The following TAFA1 variants were observed in gnomAD, a reference collection of about 807,000 sequenced individuals.
TAFA1 encodes TAFA chemokine like family member 1, also known as chemokine-like protein TAFA-1.
Under a neutral mutation model 18.5 loss-of-function variants are expected in TAFA1, and 4 were observed. The ratio of observed to expected loss-of-function variants is 0.22; its 90% CI spans 0.11 to 0.49. The LOEUF (loss-of-function observed/expected upper bound fraction) is 0.49. Ranked by LOEUF, TAFA1 falls within the 20% of genes least tolerant of loss-of-function variation. The pLI, the probability that TAFA1 is intolerant of heterozygous loss-of-function variation, is 0.98. For missense variants in TAFA1, 147 were observed against 169.0 expected, an observed-to-expected ratio of 0.87 and a Z score of 0.72; for synonymous variants, 56 against 55.2, an observed-to-expected ratio of 1.01 and a Z score of -0.06.
intron 2 of TAFA1, among the ~76,000 whole-genome samples, chr3:68,027,068 T>C (rs1168937349): frequency 6.6e-6 from 1 of 151,924 alleles, no homozygotes; most frequent in Non-Finnish European, 1.5e-5. Flanking sequence ...ATCATGACGA[T>C]GGTACCAAGC....
intron 2 of TAFA1, among the ~76,000 whole-genome samples, chr3:68,116,922 T>C (rs2106849024): frequency 6.6e-6 from 1 of 152,214 alleles, no homozygotes; most frequent in East Asian, 1.9e-4. Flanking sequence ...GAGTAGTTGG[T>C]GACAGAGACC....
At chr3:68,090,365 A>T (rs1024075962) in intron 2 of TAFA1, among the ~76,000 whole-genome samples, 2 of 152,182 alleles carry the variant, frequency 1.3e-5, no homozygotes, top group African/African-American at 2.4e-5. Context: ...TTGTAGTATA[A>T]TATCATGACC....
intron 2 of TAFA1, among the ~76,000 whole-genome samples, chr3:68,021,545 C>A (rs77619969): frequency 0.018 from 2,760 of 152,204 alleles, 102 homozygotes; most frequent in African/African-American, 0.064. Flanking sequence ...ACAATGGTAG[C>A]TAAATGTCCA....
At chr3:68,075,357 G>T (rs73834817) in intron 2 of TAFA1, among the ~76,000 whole-genome samples, 2,263 of 152,144 alleles carry the variant, frequency 0.015, 67 homozygotes, top group African/African-American at 0.052. Flanking sequence ...TTTTCTATAA[G>T]CTGATTCAGA....
chr3:68,022,164 G>C (rs1189491580), intron 2 of TAFA1, among the ~76,000 whole-genome samples: 4 of 152,102 alleles, frequency 2.6e-5, no homozygotes, highest in African/African-American at 7.2e-5. Context: ...ACTAAGGGTA[G>C]TTTATTATTA....
chr3:68,541,546 T>C (rs893481487), intron 4 of TAFA1, among the ~76,000 whole-genome samples: 1 of 152,082 alleles, frequency 6.6e-6, no homozygotes, highest in Non-Finnish European at 1.5e-5. Flanking sequence ...TTAATTATTA[T>C]GAGTCACATG....
At chr3:68,344,550 A>G (rs2069134824) in intron 2 of TAFA1, among the ~76,000 whole-genome samples, 1 of 152,220 alleles carries the variant, frequency 6.6e-6, no homozygotes, top group South Asian at 2.1e-4. Flanking sequence ...CATCATTAAC[A>G]TAGGAGTTCA....
chr3:68,467,289 G>C (rs1026010467), intron 3 of TAFA1, among the ~76,000 whole-genome samples: 2 of 152,174 alleles, frequency 1.3e-5, no homozygotes, highest in Non-Finnish European at 2.9e-5. Context: ...ATAGGATTAA[G>C]AGATTAAAGT....
intron 2 of TAFA1, among the ~76,000 whole-genome samples, chr3:68,032,573 A>G (rs563747285): frequency 6.6e-6 from 1 of 152,152 alleles, no homozygotes; most frequent in South Asian, 2.1e-4. Context: ...TCTCCTGTCC[A>G]TATCTCAGTC....
chr3:68,285,695 C>T (rs1279656406), intron 2 of TAFA1, among the ~76,000 whole-genome samples: 1 of 152,026 alleles, frequency 6.6e-6, no homozygotes, highest in Non-Finnish European at 1.5e-5. Flanking sequence ...CAATCACATG[C>T]AATTTATGTG....
chr3:68,080,929 C>T (rs2064890114), intron 2 of TAFA1, among the ~76,000 whole-genome samples: 1 of 152,136 alleles, frequency 6.6e-6, no homozygotes, highest in Non-Finnish European at 1.5e-5. Context: ...GTTCCATTCT[C>T]CCCATCACTT....
intron 3 of TAFA1, among the ~76,000 whole-genome samples, chr3:68,513,885 A>G (rs116421489): frequency 1.0e-3 from 152 of 152,256 alleles, no homozygotes; most frequent in African/African-American, 3.4e-3. Flanking sequence ...TCTGTTTAGG[A>G]ATTGTCTTAG....
intron 2 of TAFA1, among the ~76,000 whole-genome samples, chr3:68,287,361 T>G (rs1408412410): frequency 1.3e-5 from 2 of 152,240 alleles, no homozygotes; most frequent in African/African-American, 4.8e-5. Context: ...TTTGTTTTAA[T>G]GTCAGCTGTT....
At chr3:68,066,286 G>T (rs1279627766) in intron 2 of TAFA1, among the ~76,000 whole-genome samples, 1 of 152,104 alleles carries the variant, frequency 6.6e-6, no homozygotes, top group Non-Finnish European at 1.5e-5. Flanking sequence ...TGCCAACAAA[G>T]TATTAGTTCC....
chr3:68,180,029 T>TATTATTATTATC (rs2066177140), intron 2 of TAFA1, among the ~76,000 whole-genome samples: 1 of 147,602 alleles, frequency 6.8e-6, no homozygotes, highest in Admixed American at 6.8e-5. Context: ...TTATTATTAT[T>TATTATTATTATC]ATTATTATTA....
In TAFA1 at chr3:68,544,697, A is replaced by G. The variant is rs35147244; in HGVS notation, c.*194A>G. 21,132 of 541,934 alleles carry G rather than the reference A, an allele frequency of 0.039. 1,954 individuals are homozygous for G. The highest frequency in any genetic ancestry group is 0.3 in the East Asian group (9,280 of 31,254). The allele number at this position is 541,934 out of a possible 1,614,324, so 33.6% of individuals were successfully genotyped here. A position where few individuals can be genotyped will look rare whatever the true frequency, so the allele number is the denominator to read the frequency against. On this transcript the variant is annotated 3_prime_UTR_variant, in exon 5 of 5. Transcript: ENST00000478136. ...GAAGACACAGCGTTTTGGCAACACCATGGAAAGTGGGCTTAAAAAAGGGTT... is the reference window on the plus strand; with the variant it reads ...GAAGACACAGCGTTTTGGCAACACCGTGGAAAGTGGGCTTAAAAAAGGGTT...
intron 3 of TAFA1, among the ~76,000 whole-genome samples, chr3:68,424,976 T>C (rs1335682523): frequency 6.6e-6 from 1 of 151,990 alleles, no homozygotes; most frequent in Non-Finnish European, 1.5e-5. Flanking sequence ...TCCGAGTTAA[T>C]GGATAGTGTG....
At chr3:68,301,561 G>A (rs1203974829) in intron 2 of TAFA1, among the ~76,000 whole-genome samples, 2 of 152,176 alleles carry the variant, frequency 1.3e-5, no homozygotes, top group African/African-American at 4.8e-5. Context: ...ATGGTGAGGA[G>A]TAAAGTGGCC....
chr3:68,030,240 T>A (rs936917298), intron 2 of TAFA1, among the ~76,000 whole-genome samples: 1 of 152,152 alleles, frequency 6.6e-6, no homozygotes, highest in East Asian at 1.9e-4. Flanking sequence ...TAAAAATTTT[T>A]CTTTTCACCA....
Sources: allele counts gnomAD v4.1 joint callset (sites outside exome capture counted in the v4.1 genomes callset), GRCh38; gene constraint gnomAD v4.1.1; transcripts MANE v1.5; gene names NCBI Gene and HGNC (gene_info 2026-07-23, HGNC 2026-07-21).